Variants in KCNG4 observed in about 807,000 individuals in gnomAD.
KCNG4 encodes voltage-gated potassium channel regulatory subunit KCNG4.
A neutral mutation model predicts 28.2 loss-of-function variants in KCNG4; 30 were observed. The ratio of observed to expected loss-of-function variants is 1.06; its 90% confidence interval spans 0.80 to 1.44. The LOEUF is 1.44. KCNG4 is among the 40% of genes most tolerant of loss of function. The pLI is 0.00. For synonymous variants in KCNG4, 375 were observed against 315.5 expected (o/e 1.19, Z -2.00); for missense variants, 879 against 712.3 (o/e 1.23, Z -2.66).
chr16:84,225,341 G>A (rs1333145480), intron 2 of KCNG4, among the ~76,000 whole-genome samples: 1 of 152,148 alleles, frequency 6.6e-6, no homozygotes, highest in East Asian at 1.9e-4. Flanking sequence ...CCCTCTCTGT[G>A]CTTCAGTTTC....
rs139771972 is a variant in KCNG4, at chr16:84,222,855, C to T, written c.922G>A (p.Val308Met). ...IDILAISPYY[V>M]SLAVSEEPPE... ...GGCTCCTCAGACACCGCCAGCGACA[C>T]GTAGTATGGGGAGATGGCCAGGATG... The change falls in exon 3 of 3, where the codon GTG (valine) becomes ATG (methionine). Residue 308 changes from valine to methionine, a missense_variant. Val to Met is a conservative substitution (Grantham distance 21). Transcript: ENST00000308251. The T allele has an allele frequency of 8.7e-6, 14 of 1,611,278 alleles. No homozygotes were observed. In the African/African-American group the frequency reaches 1.1e-4, roughly 12 times the overall value.
intron 2 of KCNG4, among the ~76,000 whole-genome samples, chr16:84,225,074 A>G (rs900634316): frequency 3.3e-5 from 5 of 152,096 alleles, no homozygotes; most frequent in Non-Finnish European, 5.9e-5. Flanking sequence ...CCTAGCAGGC[A>G]CAGGATGCGC....
rs755045509 is a variant in KCNG4 at position 84,222,202 on chromosome 16, A to C, written c.*15T>G. 1.2e-6 allele frequency: 2 copies of C among 1,612,730 alleles called. No homozygotes were observed. Among genetic ancestry groups the C allele is most frequent in the Non-Finnish European group, 1.7e-6 (2 of 1,179,240 alleles). On this transcript the variant is annotated 3_prime_UTR_variant, in exon 3 of 3. Transcript: ENST00000308251. ...GATGGGTTGAGGTTACCATGTAGTC[A>C]TGGGGGGTGCTGAGTTACATGTGCA...
At position 84,236,745 on chromosome 16, in the gene KCNG4, C is replaced by G. The variant is rs201109101; in HGVS notation, c.741G>C (p.Arg247Ser). ...GGCCGCTCACCTGGTCCTCCTCTGC[C>G]CTGAGGTCGGGCATGGTGCTGACAC... ...SLCVSTMPDL[R>S]AEEDQGECSR... is the part of the protein sequence containing the mutation. Residue 247 changes from arginine (R) to serine (S), a missense_variant, in exon 2 of 3, where the codon AGG becomes AGC. Arg to Ser is a moderately radical substitution (Grantham distance 110). Coordinates refer to ENST00000308251, the MANE Select transcript of KCNG4 (RefSeq NM_172347.3). 4 of 1,612,606 alleles carry G rather than the reference C, an allele frequency of 2.5e-6. No individual in the cohort carries two copies. The highest frequency in any genetic ancestry group is 2.5e-6 in the Non-Finnish European group (3 of 1,179,534).
Position 84,236,925 on chromosome 16 carries a change from C to G in KCNG4, c.561G>C (p.Gln187His). Residue 187 changes from glutamine to histidine, a missense_variant, in exon 2 of 3, where the codon CAG becomes CAC. Transcript: ENST00000308251. Reference sequence around the variant, plus strand: ...GCGAGGCGGGGCGGCGGGTCTCCCTCTGCTGCCTCAGTACGTCCTCCCTGT... The same window carrying G: ...GCGAGGCGGGGCGGCGGGTCTCCCTGTGCTGCCTCAGTACGTCCTCCCTGT... ...KLHREDVLRQQRETRRPASHS... is the reference protein window; with the variant it reads ...KLHREDVLRQHRETRRPASHS... The G allele has an allele frequency of 6.2e-7, 1 of 1,613,596 alleles. No homozygotes were observed.
chr16:84,226,384 G>T lies in KCNG4; in HGVS notation c.757-3364C>A, dbSNP rs1191872229. Among the ~76,000 whole-genome samples, 1 of 152,154 alleles carries T rather than the reference G, an allele frequency of 6.6e-6. No individual in the cohort carries two copies. Among genetic ancestry groups the T allele is most frequent in the African/African-American group, 2.4e-5 (1 of 41,416 alleles). On this transcript the variant is annotated intron_variant, in intron 2 of 2. Transcript: ENST00000308251. The surrounding 1 kb of genome is among the most constrained non-coding windows in gnomAD (Gnocchi z 4.1). ...GGATGGCCTGTGAAGGGCCACGAGG[G>T]AGCTTTCTGGGGTCACAGAAATATT...
In KCNG4 at chr16:84,222,125, A is replaced by C; in HGVS notation, c.*92T>G. On this transcript the variant is annotated 3_prime_UTR_variant, in exon 3 of 3. Transcript: ENST00000308251. ...TGAAAGTCTTCCCTGGGCTCTAGAAACACCACCAGGTGGTCTATGCGGGGT... is the reference window on the plus strand; with the variant it reads ...TGAAAGTCTTCCCTGGGCTCTAGAACCACCACCAGGTGGTCTATGCGGGGT... 1.5e-6 allele frequency: 2 copies of C among 1,317,484 alleles called. No individual in the cohort carries two copies. The highest frequency in any genetic ancestry group is 2.1e-6 in the Non-Finnish European group (2 of 934,066). 81.6% of individuals were successfully genotyped at this position (1,317,484 alleles called of 1,614,324 possible).
rs561882759 is a variant in KCNG4 at position 84,236,654 on chromosome 16, T to C, written c.756+76A>G. On this transcript the variant is annotated intron_variant, in intron 2 of 2. Transcript: ENST00000308251. Reference sequence around the variant, plus strand: ...CTTATTTTAAGATCTGAAGACATTTTCTTGGGCCCCTAAAAGACATCTCCG... The same window carrying C: ...CTTATTTTAAGATCTGAAGACATTTCCTTGGGCCCCTAAAAGACATCTCCG... 3 of 1,425,890 alleles carry C rather than the reference T, an allele frequency of 2.1e-6. No individual in the cohort carries two copies. The South Asian group carries it at 4.2e-5, about 20-fold the overall frequency. The allele number at this position is 1,425,890 out of a possible 1,614,324, so 88.3% of individuals were successfully genotyped here.
chr16:84,233,126 C>T (rs913630779), intron 2 of KCNG4, among the ~76,000 whole-genome samples: 1 of 152,108 alleles, frequency 6.6e-6, no homozygotes, highest in Non-Finnish European at 1.5e-5. Flanking sequence ...TGAGCACCTC[C>T]GTGTTTCGGC....
In KCNG4 at chr16:84,234,349, G is replaced by GT. The variant is rs374747516; in HGVS notation, c.756+2380dup. Among the ~76,000 whole-genome samples, 104 of 150,420 alleles carry GT rather than the reference G, an allele frequency of 6.9e-4. 1 individual carries two copies. In the Middle Eastern group the frequency reaches 0.01, roughly 15 times the overall value. On this transcript the variant is annotated intron_variant, in intron 2 of 2. Transcript: ENST00000308251. ...CACCACACCTGGCTAATTTTTTTTT[G>GT]TTTTTTTTTAGTAGAGATGGAGTTT... is the stretch of plus-strand genomic sequence containing the variant.
At chr16:84,230,841 G>A (rs1313595514) in intron 2 of KCNG4, among the ~76,000 whole-genome samples, 1 of 152,252 alleles carries the variant, frequency 6.6e-6, no homozygotes, top group African/African-American at 2.4e-5. Flanking sequence ...AAGATGGGAG[G>A]AGAACAGTGG....
chr16:84,228,384 C>G (rs1904744468), intron 2 of KCNG4, among the ~76,000 whole-genome samples: 1 of 151,900 alleles, frequency 6.6e-6, no homozygotes, highest in East Asian at 1.9e-4. Flanking sequence ...TGTGAGTTCA[C>G]CATTTGTGCC....
Position 84,237,294 on chromosome 16 carries a change from G to A in KCNG4, c.192C>T (p.Asn64=), listed in dbSNP as rs1904993842. The A allele has an allele frequency of 5.0e-6, 8 of 1,602,688 alleles. 1 individual carries two copies. The highest frequency in any genetic ancestry group is 3.3e-4 in the Middle Eastern group (2 of 6,016). The change falls in exon 2 of 3, where the codon AAC becomes AAT. Residue 64 remains asparagine, a synonymous_variant. Transcript: ENST00000308251. ...GGAGGAGATACCTCCTGCCCCCCAC[G>A]TTGATCAGGATCTCCTTCTTCAGGT... ...PVDLKKEILI[N]VGGRRYLLPW...
chr16:84,228,620 A>G lies in KCNG4; in HGVS notation c.757-5600T>C, dbSNP rs538638430. Among the ~76,000 whole-genome samples, 3 of 30,514 alleles carry G rather than the reference A, an allele frequency of 9.8e-5. No homozygotes were observed. The South Asian group carries it at 3.3e-3, about 34-fold the overall frequency. 20.0% of individuals were successfully genotyped at this position (30,514 alleles called of 152,430 possible). Reference sequence around the variant, plus strand: ...AGGTCTCCCCGCCACCCCCCCGCCCACTCCTTCTAGCAGCTGTCCCCACTT... The same window carrying G: ...AGGTCTCCCCGCCACCCCCCCGCCCGCTCCTTCTAGCAGCTGTCCCCACTT... On this transcript the variant is annotated intron_variant, in intron 2 of 2. Coordinates refer to ENST00000308251, the MANE Select transcript of KCNG4 (RefSeq NM_172347.3).
chr16:84,232,484 A>T (rs1019960226), intron 2 of KCNG4, among the ~76,000 whole-genome samples: 1 of 152,198 alleles, frequency 6.6e-6, no homozygotes, highest in Non-Finnish European at 1.5e-5. Context: ...AATGCTGAGA[A>T]AAAGCTTTGG....
In KCNG4 at chr16:84,237,165, G is replaced by A. The variant is rs1389209511; in HGVS notation, c.321C>T (p.Asp107=). The A allele has an allele frequency of 1.9e-6, 3 of 1,614,164 alleles. No individual in the cohort carries two copies. The highest frequency in any genetic ancestry group is 2.5e-6 in the Non-Finnish European group (3 of 1,180,036). The change falls in exon 2 of 3, where the codon GAC becomes GAT. Residue 107 remains aspartate, a synonymous_variant. Transcript: ENST00000308251. Reference sequence around the variant, plus strand: ...TCCTGTCGAAGAAGAACTCCTGGCTGTCCTCGTCGTAATCATCGCAGAGCT... The same window carrying A: ...TCCTGTCGAAGAAGAACTCCTGGCTATCCTCGTCGTAATCATCGCAGAGCT... ...IVQLCDDYDE[D]SQEFFFDRSP... is the part of the protein sequence containing the mutation.
In KCNG4 at chr16:84,222,326, G is replaced by A; in HGVS notation, c.1451C>T (p.Ala484Val). 1 of 1,614,138 alleles carries A rather than the reference G, an allele frequency of 6.2e-7. No homozygotes were observed. Among genetic ancestry groups the A allele is most frequent in the Non-Finnish European group, 8.5e-7 (1 of 1,180,010 alleles). ...GGGGTCCAGGAGTTCACATTCACTGGCTGGACCGGTGTTTTGGAGGTGGCG... is the reference window on the plus strand; with the variant it reads ...GGGGTCCAGGAGTTCACATTCACTGACTGGACCGGTGTTTTGGAGGTGGCG... The part of the protein sequence containing the change: ...RLRHLQNTGP[A>V]SECELLDPHV... Residue 484 changes from alanine (A) to valine (V), a missense_variant, in exon 3 of 3, where the codon GCC (alanine) becomes GTC (valine). Ala to Val is a moderately conservative substitution (Grantham distance 64). Transcript: ENST00000308251.
intron 1 of KCNG4, among the ~76,000 whole-genome samples, chr16:84,238,039 C>T (rs1483123236): frequency 1.3e-5 from 2 of 152,184 alleles, no homozygotes; most frequent in Non-Finnish European, 2.9e-5. Flanking sequence ...GTCTCTGAGT[C>T]CTTTGCTTTA....
intron 1 of KCNG4, among the ~76,000 whole-genome samples, chr16:84,238,158 C>A (rs1009380071): frequency 6.6e-6 from 1 of 152,206 alleles, no homozygotes; most frequent in Non-Finnish European, 1.5e-5. Context: ...ATGCTTCTGA[C>A]ATGCCTGGCT....
Sources: gnomAD v4.1 joint callset for allele counts (sites outside exome capture counted in the v4.1 genomes callset) on GRCh38, gnomAD v4.1.1 for gene constraint, Gnocchi (gnomAD v3.1) non-coding constraint, MANE v1.5 for transcripts, NCBI Gene and HGNC (gene_info 2026-07-23, HGNC 2026-07-21) for gene names.